Variants in DNAI1 observed in about 807,000 individuals in gnomAD.
DNAI1 encodes dynein, axonemal, intermediate polypeptide 1.
Under a neutral mutation model 92.0 loss-of-function variants are expected in DNAI1, and 67 were observed. That is an observed-to-expected ratio of 0.73 (90% CI 0.60 to 0.89). The LOEUF (loss-of-function observed/expected upper bound fraction) is 0.89, where lower values mean the gene tolerates loss of function less well. DNAI1 is among the 40% of genes least tolerant of loss of function. The pLI is 0.00. For synonymous variants in DNAI1, 323 were observed against 319.6 expected (o/e 1.01, Z -0.11); for missense variants, 839 against 866.6 (o/e 0.97, Z 0.40).
rs1370149249 is a variant in DNAI1, at chr9:34,517,552, C to G, written c.2001+85C>G. 14 of 1,520,312 alleles carry G rather than the reference C, an allele frequency of 9.2e-6. No individual in the cohort carries two copies. The East Asian group carries it at 2.9e-4, about 32-fold the overall frequency. 94.2% of individuals were successfully genotyped at this position (1,520,312 alleles called of 1,614,324 possible). A position where few individuals can be genotyped will look rare whatever the true frequency, so the allele number is the denominator to read the frequency against. ...GACAGAAGGGAGAAGCCAGGGTGAC[C>G]ACCCAGTTTCTGATGTGGGAGACCC... On this transcript the variant is annotated intron_variant, in intron 19 of 19. Transcript: ENST00000242317.
intron 1 of DNAI1, among the ~76,000 whole-genome samples, chr9:34,468,560 T>C (rs998356512): frequency 1.3e-5 from 2 of 151,836 alleles, no homozygotes; most frequent in Non-Finnish European, 2.9e-5. Context: ...GCATGGTGGC[T>C]CATACCTATA....
At chr9:34,469,301 T>C (rs1006280503) in intron 1 of DNAI1, among the ~76,000 whole-genome samples, 2 of 142,036 alleles carry the variant, frequency 1.4e-5, no homozygotes, top group African/African-American at 2.6e-5. Flanking sequence ...GGTCCCACTC[T>C]GTCACCCAGG....
At chr9:34,498,175 G>A (rs887705784) in intron 10 of DNAI1, among the ~76,000 whole-genome samples, 1 of 152,222 alleles carries the variant, frequency 6.6e-6, no homozygotes, top group Non-Finnish European at 1.5e-5. Context: ...GGAGAAAAGG[G>A]AACAGTTATA....
intron 10 of DNAI1, among the ~76,000 whole-genome samples, chr9:34,500,001 G>A (rs1824795687): frequency 1.3e-5 from 2 of 152,178 alleles, no homozygotes; most frequent in Non-Finnish European, 2.9e-5. Context: ...TCATAATACA[G>A]GTGATGGATG....
chr9:34,466,062 C>T (rs1588087457), intron 1 of DNAI1, among the ~76,000 whole-genome samples: 2 of 152,100 alleles, frequency 1.3e-5, no homozygotes, highest in Non-Finnish European at 2.9e-5. Context: ...AGCCGTCATC[C>T]GAGGACCTGG....
At chr9:34,463,295 G>A (rs1282725831) in intron 1 of DNAI1, among the ~76,000 whole-genome samples, 2 of 152,102 alleles carry the variant, frequency 1.3e-5, no homozygotes, top group African/African-American at 4.8e-5. Flanking sequence ...CAGGAGATAA[G>A]GTCAAAGAGG....
intron 9 of DNAI1, among the ~76,000 whole-genome samples, chr9:34,495,257 C>G (rs1395634796): frequency 4.6e-5 from 7 of 152,124 alleles, no homozygotes; most frequent in Non-Finnish European, 7.3e-5. Flanking sequence ...AGGGAGGTGA[C>G]AGCCCACAAC....
chr9:34,506,898 T>A, intron 13 of DNAI1, 24 bp downstream of exon 13: 1 of 1,606,194 alleles, frequency 6.2e-7, no homozygotes, highest in Non-Finnish European at 8.5e-7. Flanking sequence ...CTGGGAGGGG[T>A]GGGGATGGGA....
intron 1 of DNAI1, among the ~76,000 whole-genome samples, chr9:34,468,643 T>TA (rs973066340): frequency 1.3e-5 from 2 of 150,962 alleles, no homozygotes; most frequent in African/African-American, 2.4e-5. Context: ...CTGGGCAACA[T>TA]AAAAAAAACC....
rs2132062181 is a variant in DNAI1 at position 34,490,395 on chromosome 9, A to G, written c.528A>G (p.Glu176=). The change falls in exon 7 of 20, where the codon GAA becomes GAG. Residue 176 remains glutamate (E), a synonymous_variant. Transcript: ENST00000242317. ...CAGCTGAAAAAGTGACTGAAGAAGA[A>G]TTGATGACTCCTAAGCAGCCCAAGG... is the stretch of plus-strand genomic sequence containing the variant. The part of the protein sequence containing the change: ...AGAAEKVTEE[E]LMTPKQPKER... The G allele has an allele frequency of 6.2e-7, 1 of 1,614,200 alleles. No homozygotes were observed. Among genetic ancestry groups the G allele is most frequent in the South Asian group, 1.1e-5 (1 of 91,076 alleles).
At chr9:34,469,651 C>T (rs933328625) in intron 1 of DNAI1, among the ~76,000 whole-genome samples, 1 of 152,098 alleles carries the variant, frequency 6.6e-6, no homozygotes, top group African/African-American at 2.4e-5. Flanking sequence ...GATCTCAGCT[C>T]TCTGCAACCT....
intron 4 of DNAI1, among the ~76,000 whole-genome samples, chr9:34,487,632 T>C (rs1000796439): frequency 2.0e-5 from 3 of 152,124 alleles, no homozygotes; most frequent in Non-Finnish European, 1.5e-5. Context: ...TCTTCTGACA[T>C]CTGAAAGAGG....
At chr9:34,490,151 C>G in intron 6 of DNAI1, 27 bp downstream of exon 6, 2 of 1,613,482 alleles carry the variant, frequency 1.2e-6, no homozygotes, top group Non-Finnish European at 1.7e-6. Context: ...CTCTGTGTCC[C>G]TCTTCTTCCA....
intron 18 of DNAI1, among the ~76,000 whole-genome samples, chr9:34,515,448 T>C (rs1250031319): frequency 6.6e-6 from 1 of 152,190 alleles, no homozygotes; most frequent in Admixed American, 6.5e-5. Flanking sequence ...GCTTATGTTC[T>C]AGTGAAGGGA....
At chr9:34,486,290 C>T (rs1359578494) in intron 4 of DNAI1, among the ~76,000 whole-genome samples, 3 of 152,030 alleles carry the variant, frequency 2.0e-5, no homozygotes, top group Non-Finnish European at 4.4e-5. Context: ...TCATATAATC[C>T]TCCCCTTTCT....
At chr9:34,515,758 A>G (rs1279100316) in intron 18 of DNAI1, among the ~76,000 whole-genome samples, 1 of 152,242 alleles carries the variant, frequency 6.6e-6, no homozygotes, top group African/African-American at 2.4e-5. Context: ...TTCCACTTCT[A>G]TAATACATCC....
chr9:34,518,644 C>A (rs1048109862), intron 19 of DNAI1, among the ~76,000 whole-genome samples: 1 of 152,184 alleles, frequency 6.6e-6, no homozygotes, highest in African/African-American at 2.4e-5. Flanking sequence ...AAAATGTGTT[C>A]TTAATTTTCT....
In DNAI1 at chr9:34,483,498, C is replaced by T; in HGVS notation, c.81+18C>T. The stretch of plus-strand genomic sequence containing the variant: ...GGAAGAGAGTAAGTGCTGAGACTAC[C>T]ATGGTCTCTCAGCAAGATGCTAATA... On this transcript the variant is annotated intron_variant, in intron 2 of 19. Transcript: ENST00000242317. The T allele has an allele frequency of 6.2e-7, 1 of 1,608,076 alleles. No individual in the cohort carries two copies. Among genetic ancestry groups the T allele is most frequent in the Non-Finnish European group, 8.5e-7 (1 of 1,176,312 alleles).
At chr9:34,489,241 A>G (rs148046209) in intron 4 of DNAI1, 82 bp from the exon 5 acceptor site, 3 of 1,537,502 alleles carry the variant, frequency 2.0e-6, no homozygotes, top group Non-Finnish European at 2.7e-6. Flanking sequence ...ACTGTCTTTG[A>G]TCTTAGAGAA....
Sources: allele counts gnomAD v4.1 joint callset (sites outside exome capture counted in the v4.1 genomes callset), GRCh38; gene constraint gnomAD v4.1.1; transcripts MANE v1.5; gene names NCBI Gene and HGNC (gene_info 2026-07-23, HGNC 2026-07-21).